Variants in SLC2A14 observed in about 807,000 individuals in gnomAD.
SLC2A14 encodes solute carrier family 2, facilitated glucose transporter member 14.
In SLC2A14, 13 loss-of-function variants were observed where a neutral mutation model predicts 43.0. That is an observed-to-expected ratio of 0.30 (90% CI 0.20 to 0.48). SLC2A14 has a LOEUF of 0.48. Among genes scored for constraint, SLC2A14 ranks in the 20% least tolerant of loss-of-function variants. The pLI, the probability that SLC2A14 is intolerant of heterozygous loss-of-function variation, is 0.99. For synonymous variants in SLC2A14, 190 were observed against 233.8 expected (o/e 0.81, Z 1.71); for missense variants, 428 against 620.4 (o/e 0.69, Z 3.29).
intron 6 of SLC2A14, 41 bp downstream of exon 6, chr12:7,828,663 C>T (rs1187974619): frequency 9.3e-6 from 15 of 1,604,752 alleles, no homozygotes; most frequent in East Asian, 2.2e-5. Flanking sequence ...AAACAAACCA[C>T]AACCATATAC....
intron 1 of SLC2A14, among the ~76,000 whole-genome samples, chr12:7,887,558 CAGATAGAT>C (rs58618647): frequency 0.38 from 56,458 of 148,228 alleles, 10,682 homozygotes; most frequent in Admixed American, 0.43. Flanking sequence ...GTAGATAAAT[CAGATAGAT>C]AGATAGATAG....
At chr12:7,871,347 T>C (rs7300773) in intron 1 of SLC2A14, 343,711 of 788,112 alleles carry the variant, frequency 0.44, 73,825 homozygotes, top group Admixed American at 0.46. Context: ...TGCATCCTCA[T>C]ACATGGCGCC....
At chr12:7,825,727 A>T (rs1302262798) in intron 7 of SLC2A14, among the ~76,000 whole-genome samples, 1 of 146,054 alleles carries the variant, frequency 6.8e-6, no homozygotes, top group Non-Finnish European at 1.5e-5. Context: ...GCATCACTGC[A>T]CTCTAGCCTG....
intron 2 of SLC2A14, among the ~76,000 whole-genome samples, chr12:7,867,849 A>G (rs2121045721): frequency 6.6e-6 from 1 of 151,818 alleles, no homozygotes; most frequent in East Asian, 1.9e-4. Flanking sequence ...TGTCTCAAAA[A>G]AAAAAAAAAA....
chr12:7,886,086 G>A (rs778175243), intron 1 of SLC2A14, among the ~76,000 whole-genome samples: 1 of 147,310 alleles, frequency 6.8e-6, no homozygotes, highest in South Asian at 2.2e-4. Context: ...CCAGGTTCAA[G>A]CAGTTCTCTG....
intron 6 of SLC2A14, among the ~76,000 whole-genome samples, chr12:7,828,195 CTAAT>C (rs1235074519): frequency 6.6e-6 from 1 of 152,088 alleles, no homozygotes; most frequent in Non-Finnish European, 1.5e-5. Context: ...AACTCCATCT[CTAAT>C]AAAAACACAA....
At chr12:7,870,333 C>T (rs1342331183) in intron 1 of SLC2A14, among the ~76,000 whole-genome samples, 2 of 152,088 alleles carry the variant, frequency 1.3e-5, no homozygotes, top group African/African-American at 4.8e-5. Flanking sequence ...TTTACCTTGC[C>T]ATATAAAATT....
At chr12:7,842,644 C>A (rs1487399275) in intron 2 of SLC2A14, among the ~76,000 whole-genome samples, 1 of 151,922 alleles carries the variant, frequency 6.6e-6, no homozygotes, top group Admixed American at 6.6e-5. Flanking sequence ...GCTACCACCC[C>A]CCTCCCCCCA....
intron 2 of SLC2A14, among the ~76,000 whole-genome samples, chr12:7,864,851 T>C (rs1468995199): frequency 6.6e-6 from 1 of 152,112 alleles, no homozygotes; most frequent in African/African-American, 2.4e-5. Context: ...TATTTTCATA[T>C]GCCTTTCCCT....
At chr12:7,848,502 T>C (rs189704528) in intron 2 of SLC2A14, among the ~76,000 whole-genome samples, 24 of 152,086 alleles carry the variant, frequency 1.6e-4, no homozygotes, top group Admixed American at 3.3e-4. Flanking sequence ...CTCTATTACC[T>C]AGTCATCCTT....
chr12:7,834,084 C>T (rs1163265721), intron 2 of SLC2A14, among the ~76,000 whole-genome samples: 1 of 152,128 alleles, frequency 6.6e-6, no homozygotes, highest in Non-Finnish European at 1.5e-5. Flanking sequence ...AACTAAGCAT[C>T]GATACCCTGG....
Position 7,828,705 on chromosome 12 carries a change from C to G in SLC2A14, c.675G>C (p.Arg225=), listed in dbSNP as rs1864723344. Residue 225 remains arginine, a splice_region_variant and synonymous_variant, in exon 6 of 11, where the codon CGG becomes CGC. Transcript: ENST00000431042. ...TACTAAAGAGTGAAAGATACTCACT[C>G]CGCGTAGCATTCTCCTCTTTTTTTC... The part of the protein sequence containing the change: ...INRKKEENAT[R]ILQRLWGTQD... 1 of 1,614,014 alleles carries G rather than the reference C, an allele frequency of 6.2e-7. No homozygotes were observed. Among genetic ancestry groups the G allele is most frequent in the Non-Finnish European group, 8.5e-7 (1 of 1,179,922 alleles).
chr12:7,841,945 C>CCAGAGGTTGTAACCTGCTCACTGT (rs1865984665), intron 2 of SLC2A14, among the ~76,000 whole-genome samples: 1 of 151,190 alleles, frequency 6.6e-6, no homozygotes, highest in Non-Finnish European at 1.5e-5. Context: ...GCAGAGGTTA[C>CCAGAGGTTGTAACCTGCTCACTGT]AGTGAGCCGA....
chr12:7,874,698 A>G (rs966605518), upstream of SLC2A14, among the ~76,000 whole-genome samples: 2 of 142,774 alleles, frequency 1.4e-5, no homozygotes, highest in Non-Finnish European at 3.0e-5. Context: ...ATATATATAA[A>G]TATATATAAA....
chr12:7,830,447 A>G (rs146921362), intron 4 of SLC2A14, among the ~76,000 whole-genome samples: 84 of 152,186 alleles, frequency 5.5e-4, no homozygotes, highest in African/African-American at 2.0e-3. Context: ...CACCACGCCC[A>G]GCCCTTTTTT....
intron 1 of SLC2A14, among the ~76,000 whole-genome samples, chr12:7,888,853 A>G (rs758263802): frequency 5.9e-5 from 9 of 152,056 alleles, no homozygotes; most frequent in African/African-American, 2.2e-4. Context: ...ACTAATTAGA[A>G]GAGATTTAAT....
rs1179076579 is a variant in SLC2A14, at chr12:7,812,728, G to C, written c.*1588C>G. On this transcript the variant is annotated 3_prime_UTR_variant, in exon 11 of 11. Transcript: ENST00000431042. Reference sequence around the variant, plus strand: ...TAGCTACGTGCATTTTTATTCAAAGGCTCCAGGAGCAGAGGGAACAGTGAG... The same window carrying C: ...TAGCTACGTGCATTTTTATTCAAAGCCTCCAGGAGCAGAGGGAACAGTGAG... 2 of 152,050 alleles carry C rather than the reference G, an allele frequency of 1.3e-5. No homozygotes were observed. Among genetic ancestry groups the C allele is most frequent in the Admixed American group, 6.6e-5 (1 of 15,236 alleles). The allele number at this position is 152,050 out of a possible 1,614,324, so 9.4% of individuals were successfully genotyped here. A position where few individuals can be genotyped will look rare whatever the true frequency, so the allele number is the denominator to read the frequency against.
Position 7,831,622 on chromosome 12 carries a change from A to G in SLC2A14, c.254T>C (p.Phe85Ser), listed in dbSNP as rs758101303. The G allele has an allele frequency of 1.9e-6, 3 of 1,614,182 alleles. No individual in the cohort carries two copies. Among genetic ancestry groups the G allele is most frequent in the South Asian group, 1.1e-5 (1 of 91,082 alleles). The change falls in exon 4 of 11, where the codon TTT (phenylalanine) becomes TCT (serine). Residue 85 changes from phenylalanine to serine, a missense_variant. Phe to Ser is a radical substitution (Grantham distance 155, BLOSUM62 -2). Around this residue, in one of 4 missense-constraint regions of SLC2A14, gnomAD observed 122 missense variants for 128.8 expected, o/e 0.95. Coordinates refer to ENST00000431042, the MANE Select transcript of SLC2A14 (RefSeq NM_001286234.2). ...GMIGSFSVGLFVNRFGRRNSM... is the reference protein window; with the variant it reads ...GMIGSFSVGLSVNRFGRRNSM... The stretch of plus-strand genomic sequence containing the variant: ...TCAATACCTGCCAAAGCGGTTAACA[A>G]AGAGTCCGACGGAAAAGGAGCCGAT...
intron 2 of SLC2A14, among the ~76,000 whole-genome samples, chr12:7,856,007 A>G (rs1867341635): frequency 6.6e-6 from 1 of 152,038 alleles, no homozygotes; most frequent in Non-Finnish European, 1.5e-5. Flanking sequence ...TTATAATTAT[A>G]ATTAGCCATA....
Sources: allele counts gnomAD v4.1 joint callset (sites outside exome capture counted in the v4.1 genomes callset), GRCh38; gene constraint gnomAD v4.1.1; regional missense constraint gnomAD v4.1.1; transcripts MANE v1.5; gene names NCBI Gene and HGNC (gene_info 2026-07-23, HGNC 2026-07-21).